The following UGT3A1 variants were observed in gnomAD, a reference collection of about 807,000 sequenced individuals.
UGT3A1 encodes the protein UDP glycosyltransferase family 3 member A1, also known as UDP-glycosyltransferase 3A1.
In UGT3A1, 40 loss-of-function variants were observed where a neutral mutation model predicts 37.6. The ratio of observed to expected loss-of-function variants is 1.06; its 90% CI spans 0.83 to 1.38. UGT3A1 has a LOEUF of 1.38. UGT3A1 is among the 40% of genes most tolerant of loss of function. UGT3A1 has a pLI of 0.00. For missense variants in UGT3A1, 642 were observed against 634.2 expected (o/e 1.01, Z -0.13); for synonymous variants, 256 against 232.3 (o/e 1.10, Z -0.93).
chr5:35,987,496 A>G (rs1740773416), intron 2 of UGT3A1, among the ~76,000 whole-genome samples: 1 of 152,184 alleles, frequency 6.6e-6, no homozygotes, highest in South Asian at 2.1e-4. Context: ...TATTGGAACC[A>G]CCAAAATAAG....
chr5:35,986,480 A>G (rs1185758059), intron 2 of UGT3A1, among the ~76,000 whole-genome samples: 1 of 152,172 alleles, frequency 6.6e-6, no homozygotes. Flanking sequence ...ACAATGAAAT[A>G]TTATTCAGCT....
chr5:35,991,621 C>A, upstream of UGT3A1: 4 of 1,011,624 alleles, frequency 4.0e-6, no homozygotes, highest in Non-Finnish European at 4.7e-6. Flanking sequence ...CCCAAGGAAA[C>A]CACCTGTCTT....
upstream of UGT3A1, among the ~76,000 whole-genome samples, chr5:35,995,020 C>A (rs576367153): frequency 1.3e-5 from 2 of 152,146 alleles, no homozygotes; most frequent in East Asian, 3.8e-4. Context: ...ACTAAACAGC[C>A]AGAATGGAGG....
intron 4 of UGT3A1, 86 bp from the exon 5 acceptor site, chr5:35,957,505 C>T: frequency 9.4e-7 from 1 of 1,063,158 alleles, no homozygotes; most frequent in Non-Finnish European, 1.4e-6. Flanking sequence ...ATTTACTAAA[C>T]ATACCCTCCC....
At chr5:35,960,512 G>T (rs369627762) in intron 4 of UGT3A1, among the ~76,000 whole-genome samples, 3 of 152,212 alleles carry the variant, frequency 2.0e-5, no homozygotes, top group Non-Finnish European at 2.9e-5. Flanking sequence ...CTTACAGAAG[G>T]GGGAGCATGC....
upstream of UGT3A1, among the ~76,000 whole-genome samples, chr5:35,995,384 C>T (rs887370717): frequency 2.0e-5 from 3 of 152,178 alleles, no homozygotes; most frequent in Non-Finnish European, 4.4e-5. Context: ...CAGGAACAAC[C>T]GGTAACAGGT....
At chr5:35,962,900 A>G (rs2149957130) in intron 4 of UGT3A1, 1 of 702,954 alleles carries the variant, frequency 1.4e-6, no homozygotes, top group East Asian at 2.7e-5. Flanking sequence ...GGTTCAGGAT[A>G]CACTCCAGAG....
chr5:35,958,011 C>T (rs1198172045), intron 4 of UGT3A1, among the ~76,000 whole-genome samples: 1 of 152,188 alleles, frequency 6.6e-6, no homozygotes, highest in African/African-American at 2.4e-5. Context: ...ATTTCATCCT[C>T]AATTCCATCA....
intron 2 of UGT3A1, among the ~76,000 whole-genome samples, chr5:35,978,535 C>A (rs935871885): frequency 1.3e-5 from 2 of 151,386 alleles, no homozygotes; most frequent in Non-Finnish European, 2.9e-5. Context: ...TTTACAAAAC[C>A]ATCAGATCTC....
chr5:35,978,617 G>T (rs763426564), intron 2 of UGT3A1, among the ~76,000 whole-genome samples: 3 of 151,980 alleles, frequency 2.0e-5, no homozygotes, highest in Non-Finnish European at 4.4e-5. Flanking sequence ...CTCCCACCAG[G>T]TCCCTCCCAT....
upstream of UGT3A1, among the ~76,000 whole-genome samples, chr5:35,993,139 T>C (rs1483790373): frequency 6.6e-6 from 1 of 152,174 alleles, no homozygotes; most frequent in African/African-American, 2.4e-5. Flanking sequence ...ATTTTTTTTC[T>C]CTGCTCCATT....
chr5:36,000,722 C>CATT, intron 1 of UGT3A1, among the ~76,000 whole-genome samples: 1 of 152,188 alleles, frequency 6.6e-6, no homozygotes, highest in Non-Finnish European at 1.5e-5. Flanking sequence ...GTACAATAAC[C>CATT]ATTACAATTA....
At chr5:35,972,972 C>T (rs910295279) in intron 2 of UGT3A1, among the ~76,000 whole-genome samples, 2 of 151,774 alleles carry the variant, frequency 1.3e-5, no homozygotes, top group African/African-American at 4.8e-5. Context: ...AATTACGGTG[C>T]AATTTAATTC....
chr5:35,964,181 GTTATCTCATAATCTCAAC>G (rs1739703920), intron 4 of UGT3A1, among the ~76,000 whole-genome samples: 1 of 152,082 alleles, frequency 6.6e-6, no homozygotes, highest in African/African-American at 2.4e-5. Flanking sequence ...ACAAGCATCT[GTTATCTCATAATCTCAAC>G]TCCCATTATT....
chr5:35,992,950 C>T (rs1418182657), upstream of UGT3A1, among the ~76,000 whole-genome samples: 1 of 152,116 alleles, frequency 6.6e-6, no homozygotes, highest in Non-Finnish European at 1.5e-5. Flanking sequence ...TGGAAAGCTA[C>T]ACACCTCCCC....
intron 4 of UGT3A1, chr5:35,961,460 G>A (rs192575789): frequency 1.8e-4 from 27 of 152,306 alleles, no homozygotes; most frequent in African/African-American, 6.3e-4. Context: ...ATAATCTAGT[G>A]CCAAAGATCA....
chr5:35,994,055 G>A (rs115838185), upstream of UGT3A1, among the ~76,000 whole-genome samples: 1,813 of 151,994 alleles, frequency 0.012, 37 homozygotes, highest in African/African-American at 0.041. Flanking sequence ...CTCCTTTTTT[G>A]TGGGAGTTTC....
intron 2 of UGT3A1, among the ~76,000 whole-genome samples, chr5:35,982,296 C>T (rs921230569): frequency 2.6e-5 from 4 of 152,220 alleles, no homozygotes; most frequent in African/African-American, 7.2e-5. Context: ...CCTGGAAAAG[C>T]TGCAGGCACT....
chr5:35,955,835 G>C lies in UGT3A1; in HGVS notation c.1105C>G (p.His369Asp). The C allele has an allele frequency of 6.2e-7, 1 of 1,614,196 alleles. No individual in the cohort carries two copies. The highest frequency in any genetic ancestry group is 8.5e-7 in the Non-Finnish European group (1 of 1,180,038). ...TCCATTACGCTGTTCTGCCCACCATGAGTGACAAAAAGACGGATGCTGGGG... is the reference window on the plus strand; with the variant it reads ...TCCATTACGCTGTTCTGCCCACCATCAGTGACAAAAAGACGGATGCTGGGG... ...AHPSIRLFVTHGGQNSVMEAI... is the reference protein window; with the variant it reads ...AHPSIRLFVTDGGQNSVMEAI... The change falls in exon 6 of 7, where the codon CAT (histidine) becomes GAT (aspartate). Residue 369 changes from histidine to aspartate, a missense_variant. Transcript: ENST00000274278.
Sources: allele counts gnomAD v4.1 joint callset (sites outside exome capture counted in the v4.1 genomes callset), GRCh38; gene constraint gnomAD v4.1.1; transcripts MANE v1.5; gene names NCBI Gene and HGNC (gene_info 2026-07-23, HGNC 2026-07-21).